DGKG: variants seen among roughly 807,000 people sequenced by gnomAD.
DGKG encodes DAG kinase gamma.
Under a neutral mutation model 105.3 loss-of-function variants are expected in DGKG, and 78 were observed. The observed-to-expected ratio is 0.74, with a 90% CI of 0.62 to 0.89. DGKG has a LOEUF of 0.89. Among genes scored for constraint, DGKG ranks in the 40% least tolerant of loss-of-function variants. DGKG has a pLI of 0.00. For synonymous variants in DGKG, 346 were observed against 367.1 expected (o/e 0.94, Z 0.66); for missense variants, 958 against 1,020.1 (o/e 0.94, Z 0.83).
chr3:186,280,577 C>A, intron 8 of DGKG, 93 bp downstream of exon 8: 1 of 977,110 alleles, frequency 1.0e-6, no homozygotes, highest in Admixed American at 2.0e-5. Flanking sequence ...TCTGGGAGCA[C>A]CTGCAGGGTT....
At chr3:186,209,030 G>A (rs1362164460) in intron 21 of DGKG, among the ~76,000 whole-genome samples, 2 of 151,418 alleles carry the variant, frequency 1.3e-5, no homozygotes, top group Non-Finnish European at 2.9e-5. Flanking sequence ...GTTATGGTCG[G>A]CAGTCAAAGC....
intron 9 of DGKG, among the ~76,000 whole-genome samples, chr3:186,278,199 A>G (rs1455841528): frequency 1.3e-5 from 2 of 152,178 alleles, no homozygotes; most frequent in Admixed American, 1.3e-4. Flanking sequence ...AGTCCAAAGT[A>G]GAACAGAAAA....
In DGKG at chr3:186,149,380, G is replaced by A; in HGVS notation, c.*710C>T. The A allele has an allele frequency of 1.0e-6, 1 of 985,364 alleles. No homozygotes were observed. Among genetic ancestry groups the A allele is most frequent in the Non-Finnish European group, 1.2e-6 (1 of 829,926 alleles). 61.0% of individuals were successfully genotyped at this position (985,364 alleles called of 1,614,324 possible). A position where few individuals can be genotyped will look rare whatever the true frequency, so the allele number is the denominator to read the frequency against. On this transcript the variant is annotated 3_prime_UTR_variant, in exon 25 of 25. Transcript: ENST00000265022. Reference sequence around the variant, plus strand: ...AGGTGTGCTATGCAGGCAGCTCTGGGGGCTCTTGGAGCCGCCTCTAAGCAA... The same window carrying A: ...AGGTGTGCTATGCAGGCAGCTCTGGAGGCTCTTGGAGCCGCCTCTAAGCAA...
At chr3:186,293,162 C>T (rs1372521415) in intron 5 of DGKG, among the ~76,000 whole-genome samples, 1 of 152,168 alleles carries the variant, frequency 6.6e-6, no homozygotes, top group Admixed American at 6.5e-5. Flanking sequence ...TTAGGGTTCA[C>T]TCTTGGTGTT....
In DGKG at chr3:186,251,810, G is replaced by A. The variant is rs768964427; in HGVS notation, c.1710C>T (p.Asn570=). The A allele has an allele frequency of 1.5e-5, 25 of 1,613,848 alleles. No homozygotes were observed. Among genetic ancestry groups the A allele is most frequent in the South Asian group, 5.5e-5 (5 of 91,072 alleles). The change falls in exon 19 of 25, where the codon AAC becomes AAT. Residue 570 remains asparagine (N), a synonymous_variant. Transcript: ENST00000265022. Reference sequence around the variant, plus strand: ...TGATGCTGTATGGGACCTGGTCCCCGTTTTCCACTTCCTCTCTGGGGATGA... The same window carrying A: ...TGATGCTGTATGGGACCTGGTCCCCATTTTCCACTTCCTCTCTGGGGATGA... ...LEVIPREEVE[N]GDQVPYSIMN...
chr3:186,275,331 G>C (rs1008035751), intron 10 of DGKG, among the ~76,000 whole-genome samples: 1 of 152,148 alleles, frequency 6.6e-6, no homozygotes, highest in Non-Finnish European at 1.5e-5. Context: ...CTCATAAAAA[G>C]CCTCCAATAA....
chr3:186,248,071 T>A (rs577257488), intron 19 of DGKG, among the ~76,000 whole-genome samples: 1 of 152,352 alleles, frequency 6.6e-6, no homozygotes, highest in South Asian at 2.1e-4. Flanking sequence ...CTATGATTAC[T>A]GAATAGTCTT....
chr3:186,338,586 T>C (rs905458795), intron 1 of DGKG, among the ~76,000 whole-genome samples: 1 of 152,244 alleles, frequency 6.6e-6, no homozygotes, highest in African/African-American at 2.4e-5. Context: ...ACATGAAATG[T>C]AATCATGGTT....
intron 19 of DGKG, among the ~76,000 whole-genome samples, chr3:186,242,969 C>T (rs58621320): frequency 0.043 from 6,550 of 152,182 alleles, 465 homozygotes; most frequent in African/African-American, 0.15. Flanking sequence ...ACTTTCCATA[C>T]TAGTTCTTTT....
At chr3:186,329,827 T>C (rs535667724) in intron 1 of DGKG, among the ~76,000 whole-genome samples, 5 of 152,322 alleles carry the variant, frequency 3.3e-5, no homozygotes, top group African/African-American at 1.2e-4. Context: ...TTGTCTGCTC[T>C]CCAGTAGCAC....
Position 186,150,168 on chromosome 3 carries a change from G to A in DGKG, c.2298C>T (p.Asn766=). 6.2e-7 allele frequency: 1 copy of A among 1,612,708 alleles called. No homozygotes were observed. The highest frequency in any genetic ancestry group is 8.5e-7 in the Non-Finnish European group (1 of 1,179,394). The part of the protein sequence containing the change: ...PCCTIKITHK[N]QAPMMMGPPQ... ...GAGGCCCCATCATCATGGGCGCTTG[G>A]TTCTTGTGAGTAATTTTAATCTAAA... Residue 766 remains asparagine, a synonymous_variant, in exon 25 of 25, where the codon AAC becomes AAT. Coordinates refer to ENST00000265022, the MANE Select transcript of DGKG (RefSeq NM_001346.3).
chr3:186,253,962 A>G (rs1721341704), intron 17 of DGKG, among the ~76,000 whole-genome samples: 1 of 152,218 alleles, frequency 6.6e-6, no homozygotes, highest in Non-Finnish European at 1.5e-5. Context: ...CCAGTTTGTC[A>G]CTTCCACCAC....
At chr3:186,343,967 A>T (rs2108663218) in intron 1 of DGKG, among the ~76,000 whole-genome samples, 1 of 152,300 alleles carries the variant, frequency 6.6e-6, no homozygotes, top group Admixed American at 6.5e-5. Context: ...TAATTTATTG[A>T]CAGTTCCCTC....
At position 186,354,965 on chromosome 3, in the gene DGKG, C is replaced by T. The variant is rs535068647; in HGVS notation, c.-249+6981G>A. Among the ~76,000 whole-genome samples, 582 of 152,188 alleles carry T rather than the reference C, an allele frequency of 3.8e-3. 3 individuals are homozygous for T. The highest frequency in any genetic ancestry group is 0.013 in the African/African-American group (547 of 41,476). On this transcript the variant is annotated intron_variant, in intron 1 of 24. Coordinates refer to ENST00000265022, the MANE Select transcript of DGKG (RefSeq NM_001346.3). Reference sequence around the variant, plus strand: ...CCTTCTCTGATCTCATTTTCTATGACGCCAGAAATTCTTAGATCTGCCCCA... The same window carrying T: ...CCTTCTCTGATCTCATTTTCTATGATGCCAGAAATTCTTAGATCTGCCCCA...
At chr3:186,197,435 C>T (rs1718235717) in intron 21 of DGKG, among the ~76,000 whole-genome samples, 1 of 152,128 alleles carries the variant, frequency 6.6e-6, no homozygotes, top group Non-Finnish European at 1.5e-5. Context: ...CGCACACTGC[C>T]TCTTTTTTGA....
At chr3:186,355,619 C>T (rs1726912319) in intron 1 of DGKG, among the ~76,000 whole-genome samples, 1 of 151,464 alleles carries the variant, frequency 6.6e-6, no homozygotes, top group South Asian at 2.1e-4. Context: ...AATAATCACC[C>T]CTACTACTGC....
intron 17 of DGKG, among the ~76,000 whole-genome samples, chr3:186,254,882 C>A (rs2108566369): frequency 6.6e-6 from 1 of 152,318 alleles, no homozygotes; most frequent in South Asian, 2.1e-4. Context: ...CCATAGCCTA[C>A]CACAGTAGGC....
intron 24 of DGKG, among the ~76,000 whole-genome samples, chr3:186,150,764 T>C (rs1315649022): frequency 1.3e-5 from 2 of 152,230 alleles, no homozygotes; most frequent in Non-Finnish European, 2.9e-5. Context: ...CCCAAATTCT[T>C]TTTAAAACTT....
intron 17 of DGKG, among the ~76,000 whole-genome samples, chr3:186,256,807 T>A (rs1182763582): frequency 6.6e-6 from 1 of 152,234 alleles, no homozygotes; most frequent in Non-Finnish European, 1.5e-5. Flanking sequence ...TCCTCAGGTA[T>A]CCACTTGACT....
Sources: allele counts gnomAD v4.1 joint callset (sites outside exome capture counted in the v4.1 genomes callset), GRCh38; gene constraint gnomAD v4.1.1; transcripts MANE v1.5; gene names NCBI Gene and HGNC (gene_info 2026-07-23, HGNC 2026-07-21).